Variants in CORIN observed in about 807,000 individuals in gnomAD.
The protein encoded by CORIN is corin, serine peptidase.
A neutral mutation model predicts 125.3 loss-of-function variants in CORIN; 117 were observed. The observed-to-expected ratio is 0.93, with a 90% CI of 0.80 to 1.09. The LOEUF is 1.09. Ranked by LOEUF, CORIN falls within the 50% of genes least tolerant of loss-of-function variation. The pLI, the probability that CORIN is intolerant of heterozygous loss-of-function variation, is 0.00. For synonymous variants in CORIN, 450 were observed against 466.4 expected (o/e 0.96, Z 0.45); for missense variants, 1,253 against 1,306.7 (o/e 0.96, Z 0.63).
At chr4:47,607,153 A>G (rs1721680235) in intron 19 of CORIN, among the ~76,000 whole-genome samples, 1 of 152,236 alleles carries the variant, frequency 6.6e-6, no homozygotes, top group African/African-American at 2.4e-5. Context: ...CTCTTGTTAC[A>G]TAAGCTACTG....
In CORIN at chr4:47,825,300, G is replaced by A. The variant is rs79199198; in HGVS notation, c.63+12587C>T. On this transcript the variant is annotated intron_variant, in intron 1 of 21. Coordinates refer to ENST00000273857, the MANE Select transcript of CORIN (RefSeq NM_006587.4). The stretch of plus-strand genomic sequence containing the variant: ...TGTGGCCCCCTCCCCATAGAAGTGA[G>A]GCCTGGGAGTCCCCCTTGCAGGCGA... 5.6e-3 allele frequency among the ~76,000 whole-genome samples: 858 copies of A among 152,290 alleles called. 5 individuals carry two copies. Among genetic ancestry groups the A allele is most frequent in the African/African-American group, 0.019 (805 of 41,560 alleles).
At chr4:47,740,232 C>T (rs1399294587) in intron 5 of CORIN, among the ~76,000 whole-genome samples, 6 of 151,810 alleles carry the variant, frequency 4.0e-5, no homozygotes, top group African/African-American at 1.2e-4. Flanking sequence ...TTTTAGGTGC[C>T]TATGTGTTTA....
At chr4:47,765,177 G>A (rs1729660144) in intron 3 of CORIN, among the ~76,000 whole-genome samples, 1 of 151,926 alleles carries the variant, frequency 6.6e-6, no homozygotes, top group African/African-American at 2.4e-5. Context: ...CGGGCGTGGT[G>A]GCGGGCGTTG....
At chr4:47,817,574 G>A (rs1397426135) in intron 1 of CORIN, among the ~76,000 whole-genome samples, 1 of 152,146 alleles carries the variant, frequency 6.6e-6, no homozygotes, top group East Asian at 1.9e-4. Context: ...CAGGACAAAA[G>A]GTGCTGCCTG....
intron 13 of CORIN, among the ~76,000 whole-genome samples, chr4:47,648,673 T>C (rs1014285628): frequency 1.3e-5 from 2 of 152,194 alleles, no homozygotes; most frequent in Non-Finnish European, 2.9e-5. Flanking sequence ...TATGCAGCTA[T>C]AGAGTAAGTA....
At chr4:47,632,757 A>AGATAGATGATAGATAGATAGAT (rs1553905922) in intron 16 of CORIN, among the ~76,000 whole-genome samples, 1 of 136,816 alleles carries the variant, frequency 7.3e-6, no homozygotes, top group East Asian at 2.0e-4. Context: ...ATAGATAGAT[A>AGATAGATGATAGATAGATAGAT]GATAGATAGA....
chr4:47,680,177 G>A lies in CORIN; in HGVS notation c.1096C>T (p.His366Tyr), dbSNP rs746540737. The A allele has an allele frequency of 7.4e-6, 12 of 1,613,826 alleles. No homozygotes were observed. In the South Asian group the frequency reaches 1.3e-4, roughly 18 times the overall value. Residue 366 changes from histidine (H) to tyrosine (Y), a missense_variant, in exon 8 of 22, where the codon CAC becomes TAC. Transcript: ENST00000273857. ...IAMEWVCDGD[H>Y]DCVDKSDEVN... ...TCGTCAGACTTATCCACACAGTCGT[G>A]GTCACCATCACACACCCACTCCATG...
At chr4:47,795,490 T>C (rs1731252931) in intron 2 of CORIN, among the ~76,000 whole-genome samples, 1 of 152,060 alleles carries the variant, frequency 6.6e-6, no homozygotes, top group South Asian at 2.1e-4. Flanking sequence ...AGTGTAAAAA[T>C]ATTTCCCTTC....
chr4:47,830,413 T>A (rs1316358649), intron 1 of CORIN, among the ~76,000 whole-genome samples: 1 of 152,188 alleles, frequency 6.6e-6, no homozygotes, highest in African/African-American at 2.4e-5. Flanking sequence ...TCTCATCTTT[T>A]GCTCTTACTC....
intron 20 of CORIN, 27 bp from the exon 21 acceptor site, chr4:47,600,374 T>TGGAGGAGCCAAGATGGCCGA: frequency 6.5e-7 from 1 of 1,546,556 alleles, no homozygotes; most frequent in Non-Finnish European, 8.8e-7. Context: ...TAAGAATATA[T>TGGAGGAGCCAAGATGGCCGA]ATATGATGAT....
intron 4 of CORIN, among the ~76,000 whole-genome samples, chr4:47,759,028 C>A (rs994142376): frequency 1.3e-5 from 2 of 152,084 alleles, no homozygotes; most frequent in African/African-American, 2.4e-5. Flanking sequence ...GGAATGGAAC[C>A]AAGATCCAAT....
chr4:47,806,977 C>T lies in CORIN; in HGVS notation c.134G>A (p.Arg45Gln), dbSNP rs1386951075. 2.5e-6 allele frequency: 4 copies of T among 1,613,748 alleles called. No individual in the cohort carries two copies. The highest frequency in any genetic ancestry group is 2.7e-5 in the African/African-American group (2 of 74,886). Residue 45 changes from arginine to glutamine, a missense_variant, in exon 2 of 22, where the codon CGG becomes CAG. Physicochemically the swap from Arg to Gln is conservative, Grantham distance 43. Coordinates refer to ENST00000273857, the MANE Select transcript of CORIN (RefSeq NM_006587.4). ...SQKLATANLL[R>Q]FLLLVLIPCI... Reference sequence around the variant, plus strand: ...TGGAATCAGGACCAGCAATAGGAACCGGAGGAGGTTAGCAGTCGCCAGCTT... The same window carrying T: ...TGGAATCAGGACCAGCAATAGGAACTGGAGGAGGTTAGCAGTCGCCAGCTT...
At chr4:47,618,762 T>G (rs1722184074) in intron 19 of CORIN, among the ~76,000 whole-genome samples, 1 of 150,844 alleles carries the variant, frequency 6.6e-6, no homozygotes, top group Non-Finnish European at 1.5e-5. Flanking sequence ...GAGCTTGCAG[T>G]GAGCCAAGAT....
intron 5 of CORIN, among the ~76,000 whole-genome samples, chr4:47,717,699 T>C (rs1464714644): frequency 6.6e-6 from 1 of 152,220 alleles, no homozygotes; most frequent in Non-Finnish European, 1.5e-5. Flanking sequence ...TCAAGTATTT[T>C]AGTCTTTCAT....
At chr4:47,680,319 C>G (rs1725215438) in intron 7 of CORIN, 68 bp from the exon 8 acceptor site, 3 of 1,085,268 alleles carry the variant, frequency 2.8e-6, no homozygotes, top group Non-Finnish European at 4.2e-6. Context: ...TCTATGGCTC[C>G]CAGTTCCCAT....
At chr4:47,829,008 A>C (rs1732855818) in intron 1 of CORIN, among the ~76,000 whole-genome samples, 2 of 151,922 alleles carry the variant, frequency 1.3e-5, no homozygotes, top group Admixed American at 6.6e-5. Context: ...AATACAAAAA[A>C]TTAGCCGGGC....
intron 7 of CORIN, chr4:47,681,142 T>C (rs543096976): frequency 2.8e-4 from 42 of 152,314 alleles, no homozygotes; most frequent in African/African-American, 9.1e-4. Flanking sequence ...GATTCATGAA[T>C]AATAGATTCC....
At chr4:47,722,789 C>G (rs890120938) in intron 5 of CORIN, among the ~76,000 whole-genome samples, 1 of 152,162 alleles carries the variant, frequency 6.6e-6, no homozygotes, top group African/African-American at 2.4e-5. Flanking sequence ...CCTTACCTCC[C>G]CCTGTGATTG....
rs141773597 is a variant in CORIN, at chr4:47,737,095, G to A, written c.799+7307C>T. Among the ~76,000 whole-genome samples the A allele has an allele frequency of 2.7e-3, 414 of 152,306 alleles. 4 individuals are homozygous for A. Among genetic ancestry groups the A allele is most frequent in the African/African-American group, 9.1e-3 (379 of 41,572 alleles). On this transcript the variant is annotated intron_variant, in intron 5 of 21. Coordinates refer to ENST00000273857, the MANE Select transcript of CORIN (RefSeq NM_006587.4). Reference sequence around the variant, plus strand: ...AATAAAATTTGGAACTACTCAAGGAGGAAGGGAATATAGTAAGCCTACCAG... The same window carrying A: ...AATAAAATTTGGAACTACTCAAGGAAGAAGGGAATATAGTAAGCCTACCAG...
Sources: allele counts gnomAD v4.1 joint callset (sites outside exome capture counted in the v4.1 genomes callset), GRCh38; gene constraint gnomAD v4.1.1; transcripts MANE v1.5; gene names NCBI Gene and HGNC (gene_info 2026-07-23, HGNC 2026-07-21).